Variants in FOXN2 observed in about 807,000 individuals in gnomAD.
FOXN2 encodes the protein forkhead box N2, also known as forkhead box protein N2.
In FOXN2, 19 loss-of-function variants were observed where a neutral mutation model predicts 41.2. The ratio of observed to expected loss-of-function variants is 0.46; its 90% CI spans 0.32 to 0.68. The LOEUF (loss-of-function observed/expected upper bound fraction) is 0.68, where lower values mean the gene tolerates loss of function less well. Among genes scored for constraint, FOXN2 ranks in the 30% least tolerant of loss-of-function variants. FOXN2 has a pLI of 0.03. For missense variants in FOXN2, 587 were observed against 509.4 expected, an observed-to-expected ratio of 1.15 and a Z score of -1.47; for synonymous variants, 195 against 176.8, an observed-to-expected ratio of 1.10 and a Z score of -0.82.
chr2:48,332,933 C>G (rs1670104305), intron 2 of FOXN2, among the ~76,000 whole-genome samples: 1 of 152,068 alleles, frequency 6.6e-6, no homozygotes. Context: ...GCTGGTAATC[C>G]TTTGGTTCAC....
intron 2 of FOXN2, among the ~76,000 whole-genome samples, chr2:48,332,136 A>C (rs1047024782): frequency 6.6e-6 from 1 of 152,170 alleles, no homozygotes; most frequent in East Asian, 1.9e-4. Flanking sequence ...TGTTTTCATG[A>C]TGCCATTACA....
intron 2 of FOXN2, among the ~76,000 whole-genome samples, chr2:48,336,063 G>C (rs1429084007): frequency 6.7e-6 from 1 of 149,764 alleles, no homozygotes; most frequent in East Asian, 2.0e-4. Context: ...AAAATAAAAA[G>C]CTGTATTATA....
At chr2:48,354,571 G>A (rs765333558) in intron 3 of FOXN2, among the ~76,000 whole-genome samples, 31 of 152,342 alleles carry the variant, frequency 2.0e-4, no homozygotes, top group Non-Finnish European at 3.5e-4. Flanking sequence ...CTGCACTCCA[G>A]CCTGGCAACA....
intron 5 of FOXN2, 89 bp downstream of exon 5, chr2:48,362,796 T>C: frequency 1.8e-6 from 2 of 1,097,602 alleles, no homozygotes; most frequent in East Asian, 2.4e-5. Context: ...TCCCCTAAGA[T>C]TATAATGGAG....
intron 3 of FOXN2, among the ~76,000 whole-genome samples, chr2:48,354,872 A>C (rs1671688191): frequency 6.6e-6 from 1 of 152,218 alleles, no homozygotes. Context: ...GGGACATTCA[A>C]ATTAAAAGAA....
At position 48,377,027 on chromosome 2, in the gene FOXN2, T is replaced by C. The variant is rs1673298735; in HGVS notation, c.*1584T>C. On this transcript the variant is annotated 3_prime_UTR_variant, in exon 7 of 7. Coordinates refer to ENST00000340553, the MANE Select transcript of FOXN2 (RefSeq NM_002158.4). ...CAAAACTGTCAAATGAGAAAAATGA[T>C]TTTAAAAACTTTTTTTTCAATTGAC... 1 of 152,050 alleles carries C rather than the reference T, an allele frequency of 6.6e-6. No homozygotes were observed. Among genetic ancestry groups the C allele is most frequent in the Non-Finnish European group, 1.5e-5 (1 of 67,906 alleles). 9.4% of individuals were successfully genotyped at this position (152,050 alleles called of 1,614,324 possible).
chr2:48,348,090 G>T (rs1334257454), intron 3 of FOXN2, among the ~76,000 whole-genome samples: 1 of 151,258 alleles, frequency 6.6e-6, no homozygotes. Flanking sequence ...TAAATATATG[G>T]TTTATTGCCT....
At chr2:48,358,904 A>G in intron 3 of FOXN2, 143 bp from the exon 4 acceptor site, 1 of 598,860 alleles carries the variant, frequency 1.7e-6, no homozygotes, top group Non-Finnish European at 2.9e-6. Context: ...ACTACAGTGC[A>G]CACATAGCAA....
upstream of FOXN2, among the ~76,000 whole-genome samples, chr2:48,314,358 G>T (rs1005883921): frequency 3.3e-5 from 5 of 152,198 alleles, no homozygotes; most frequent in African/African-American, 1.2e-4. Flanking sequence ...GCTTTCCCCT[G>T]CCCTGCTCAG....
intron 4 of FOXN2, among the ~76,000 whole-genome samples, chr2:48,361,578 A>T (rs989410425): frequency 2.0e-5 from 3 of 152,200 alleles, no homozygotes; most frequent in Non-Finnish European, 2.9e-5. Context: ...TTGGCAAAAT[A>T]ACAGTTCCAT....
chr2:48,315,465 T>C (rs1668847865), intron 1 of FOXN2, among the ~76,000 whole-genome samples: 1 of 152,042 alleles, frequency 6.6e-6, no homozygotes, highest in Admixed American at 6.5e-5. Context: ...CCTCAGAGGG[T>C]GGCTGTCTTG....
chr2:48,341,626 A>G (rs1170251431), intron 2 of FOXN2, among the ~76,000 whole-genome samples: 1 of 152,200 alleles, frequency 6.6e-6, no homozygotes, highest in Non-Finnish European at 1.5e-5. Flanking sequence ...TAAAATGCAT[A>G]AAGATTTGGA....
intron 4 of FOXN2, among the ~76,000 whole-genome samples, chr2:48,359,411 G>A (rs971506782): frequency 1.3e-5 from 2 of 150,682 alleles, no homozygotes; most frequent in African/African-American, 4.9e-5. Flanking sequence ...CTCCCACCTC[G>A]GCCTCCCTAG....
At chr2:48,324,960 G>A (rs1669565895) in intron 1 of FOXN2, among the ~76,000 whole-genome samples, 2 of 152,090 alleles carry the variant, frequency 1.3e-5, no homozygotes, top group South Asian at 4.1e-4. Context: ...ATGATGAGAG[G>A]GAAGGTAGAC....
rs1671141617 is a variant in FOXN2 at position 48,346,888 on chromosome 2, T to C, written c.537+137T>C. The C allele has an allele frequency of 1.0e-5, 7 of 667,974 alleles. No individual in the cohort carries two copies. The East Asian group carries it at 1.8e-4, about 17-fold the overall frequency. The allele number at this position is 667,974 out of a possible 1,614,324, so 41.4% of individuals were successfully genotyped here. On this transcript the variant is annotated intron_variant, in intron 3 of 6. Transcript: ENST00000340553. ...TCAGCTGAACTGAATTATATTCATT[T>C]GTTTTCACTTGAGATGTTTTAAAAT...
At chr2:48,356,356 G>A (rs562975731) in intron 3 of FOXN2, among the ~76,000 whole-genome samples, 4 of 151,418 alleles carry the variant, frequency 2.6e-5, no homozygotes, top group South Asian at 2.1e-4. Context: ...CAAGGGAATC[G>A]TCCGAACCTG....
chr2:48,360,447 T>C (rs917707338), intron 4 of FOXN2, among the ~76,000 whole-genome samples: 1 of 152,206 alleles, frequency 6.6e-6, no homozygotes, highest in Admixed American at 6.5e-5. Context: ...ATTTGAATTC[T>C]TAAAGTATTG....
intron 1 of FOXN2, among the ~76,000 whole-genome samples, chr2:48,327,958 G>T (rs1283372750): frequency 2.0e-5 from 3 of 152,044 alleles, no homozygotes; most frequent in African/African-American, 7.2e-5. Flanking sequence ...TTCCAAATTT[G>T]ACATTGGGGC....
chr2:48,331,052 C>T (rs1669989276), intron 2 of FOXN2, among the ~76,000 whole-genome samples: 1 of 152,136 alleles, frequency 6.6e-6, no homozygotes, highest in Non-Finnish European at 1.5e-5. Context: ...TTTTTCACTC[C>T]ATGTAGTAAA....
Sources: allele counts gnomAD v4.1 joint callset (sites outside exome capture counted in the v4.1 genomes callset), GRCh38; gene constraint gnomAD v4.1.1; transcripts MANE v1.5; gene names NCBI Gene and HGNC (gene_info 2026-07-23, HGNC 2026-07-21).